Variants in SNX14 observed in about 807,000 individuals in gnomAD.
The protein encoded by SNX14 is sorting nexin-14.
A neutral mutation model predicts 133.8 loss-of-function variants in SNX14; 93 were observed. The observed-to-expected ratio is 0.70, with a 90% CI of 0.59 to 0.83. The LOEUF is 0.83. Among genes scored for constraint, SNX14 ranks in the 40% least tolerant of loss-of-function variants. The probability of loss-of-function intolerance (pLI) is 0.00; values close to 1 mark genes in which losing one functional copy is unlikely to be tolerated. For synonymous variants in SNX14, 368 were observed against 365.6 expected (o/e 1.01, Z -0.07); for missense variants, 945 against 1,094.9 (o/e 0.86, Z 1.93).
intron 1 of SNX14, 139 bp downstream of exon 1, chr6:85,593,440 C>CCGCTCCTCTGCGGAGCT: frequency 1.5e-6 from 2 of 1,323,386 alleles, no homozygotes; most frequent in Non-Finnish European, 2.0e-6. Context: ...CTCCCCGAGG[C>CCGCTCCTCTGCGGAGCT]CGCTCCTCTG....
chr6:85,585,319 G>A (rs1009709394), intron 1 of SNX14, among the ~76,000 whole-genome samples: 3 of 151,866 alleles, frequency 2.0e-5, no homozygotes, highest in Non-Finnish European at 4.4e-5. Flanking sequence ...AACCACCATG[G>A]CACATGTATA....
chr6:85,576,971 A>AAC (rs1368964142), intron 1 of SNX14, among the ~76,000 whole-genome samples: 1 of 152,236 alleles, frequency 6.6e-6, no homozygotes, highest in Non-Finnish European at 1.5e-5. Flanking sequence ...CTAGACTGGA[A>AAC]ACACACAGCC....
chr6:85,508,236 A>G, intron 26 of SNX14, 177 bp from the exon 27 acceptor site: 1 of 1,286,088 alleles, frequency 7.8e-7, no homozygotes, highest in East Asian at 3.0e-5. Context: ...TCTATGGTCA[A>G]GTTGACAAAT....
At chr6:85,568,927 G>A (rs1794741631) in intron 4 of SNX14, among the ~76,000 whole-genome samples, 1 of 151,672 alleles carries the variant, frequency 6.6e-6, no homozygotes, top group African/African-American at 2.4e-5. Flanking sequence ...CAATCACCAA[G>A]TCCTACTGAT....
intron 26 of SNX14, among the ~76,000 whole-genome samples, chr6:85,511,856 T>A (rs1175538507): frequency 6.6e-6 from 1 of 152,214 alleles, no homozygotes; most frequent in East Asian, 1.9e-4. Flanking sequence ...GTCTTGTAAT[T>A]TTTTTCTTGA....
At chr6:85,590,192 G>A (rs956770314) in intron 1 of SNX14, among the ~76,000 whole-genome samples, 2 of 152,158 alleles carry the variant, frequency 1.3e-5, no homozygotes, top group African/African-American at 4.8e-5. Context: ...ACTAGCAGCT[G>A]GTACTTATCT....
intron 23 of SNX14, among the ~76,000 whole-genome samples, chr6:85,516,441 T>TA (rs953719289): frequency 4.6e-5 from 7 of 152,034 alleles, no homozygotes; most frequent in East Asian, 3.8e-4. Flanking sequence ...AAATTGGTTA[T>TA]AAAAAATCTT....
intron 20 of SNX14, among the ~76,000 whole-genome samples, chr6:85,527,370 T>G (rs186085348): frequency 2.6e-4 from 38 of 148,076 alleles, no homozygotes; most frequent in Non-Finnish European, 5.3e-4. Flanking sequence ...CACCAAAAAT[T>G]TATACAGAAG....
chr6:85,530,474 G>C (rs1031681720), intron 18 of SNX14, among the ~76,000 whole-genome samples, 199 bp from the exon 19 acceptor site: 1 of 151,830 alleles, frequency 6.6e-6, no homozygotes, highest in Non-Finnish European at 1.5e-5. Flanking sequence ...GTGAAATCCC[G>C]CTTCTACTAA....
chr6:85,582,270 T>C (rs1215871022), intron 1 of SNX14, among the ~76,000 whole-genome samples: 1 of 152,034 alleles, frequency 6.6e-6, no homozygotes, highest in Non-Finnish European at 1.5e-5. Context: ...AAAATACCCT[T>C]CAAACATGAA....
rs1451005775 is a variant in SNX14 at position 85,574,342 on chromosome 6, A to C, written c.177T>G (p.Val59=). The change falls in exon 2 of 29, where the codon GTT becomes GTG. Residue 59 remains valine (V), a synonymous_variant. Coordinates refer to ENST00000314673, the MANE Select transcript of SNX14 (RefSeq NM_153816.6). ...AGCAGTAGAATGTGACAACTCCAGC[A>C]ACAAATGACCAGAAGATCATTAAAA... ...IHILMIFWSF[V]AGVVTFYCSL... is the part of the protein sequence containing the mutation. 1.1e-5 allele frequency: 18 copies of C among 1,574,648 alleles called. No homozygotes were observed. Among genetic ancestry groups the C allele is most frequent in the Non-Finnish European group, 1.3e-5 (15 of 1,146,444 alleles).
Position 85,572,278 on chromosome 6 carries a change from T to TA in SNX14, c.338+19dup, listed in dbSNP as rs1257138491. 1 of 1,611,322 alleles carries TA rather than the reference T, an allele frequency of 6.2e-7. No homozygotes were observed. Among genetic ancestry groups the TA allele is most frequent in the East Asian group, 2.2e-5 (1 of 44,800 alleles). On this transcript the variant is annotated intron_variant, in intron 3 of 28. Transcript: ENST00000314673. Reference sequence around the variant, plus strand: ...AAATGTAATTAGAAGGATCAACAAATAAAAAAATATTTAACTTACCTATGT... The same window carrying TA: ...AAATGTAATTAGAAGGATCAACAAATAAAAAAAATATTTAACTTACCTATGT...
chr6:85,583,866 T>G (rs1217168125), intron 1 of SNX14, among the ~76,000 whole-genome samples: 1 of 152,084 alleles, frequency 6.6e-6, no homozygotes, highest in African/African-American at 2.4e-5. Context: ...CAAGCTACCA[T>G]TGACTTTCTT....
At chr6:85,543,069 T>A in intron 14 of SNX14, 113 bp downstream of exon 14, 2 of 1,090,282 alleles carry the variant, frequency 1.8e-6, no homozygotes, top group Non-Finnish European at 2.5e-6. Flanking sequence ...TGCCCAGTAA[T>A]CTTGTCTTAT....
chr6:85,525,158 T>C (rs1038232412), intron 21 of SNX14, among the ~76,000 whole-genome samples: 4 of 152,154 alleles, frequency 2.6e-5, no homozygotes, highest in African/African-American at 7.2e-5. Context: ...CAATCTCTAA[T>C]AGTAAAAATA....
At chr6:85,573,265 AG>A (rs1796261110) in intron 2 of SNX14, among the ~76,000 whole-genome samples, 1 of 152,214 alleles carries the variant, frequency 6.6e-6, no homozygotes, top group African/African-American at 2.4e-5. Context: ...GGATCACCTG[AG>A]GTCAGGAGTT....
intron 13 of SNX14, 144 bp downstream of exon 13, chr6:85,543,461 T>G (rs916240440): frequency 5.6e-6 from 6 of 1,072,892 alleles, no homozygotes; most frequent in Non-Finnish European, 7.8e-6. Context: ...ATAAATAAGT[T>G]TTTTCTTTAA....
intron 26 of SNX14, among the ~76,000 whole-genome samples, chr6:85,512,804 T>C (rs1773417415): frequency 6.6e-6 from 1 of 152,296 alleles, no homozygotes; most frequent in Non-Finnish European, 1.5e-5. Context: ...CAGCTAGCTA[T>C]GATTCTCTCC....
rs1449651209 is a variant in SNX14, at chr6:85,557,994, C to A, written c.616G>T (p.Val206Phe). 1.9e-6 allele frequency: 3 copies of A among 1,591,390 alleles called. No homozygotes were observed. The highest frequency in any genetic ancestry group is 1.7e-6 in the Non-Finnish European group (2 of 1,163,428). ...KAAMKHIEVI[V>F]KARQKVKNTE... ...GTATTACCTTTCTGTCTGGCTTTAA[C>A]TATCACTTCTATATGCTTCATTGCT... is the stretch of plus-strand genomic sequence containing the variant. Residue 206 changes from valine to phenylalanine, a missense_variant, in exon 7 of 29, where the codon GTT becomes TTT. Coordinates refer to ENST00000314673, the MANE Select transcript of SNX14 (RefSeq NM_153816.6).
Sources: allele counts gnomAD v4.1 joint callset (sites outside exome capture counted in the v4.1 genomes callset), GRCh38; gene constraint gnomAD v4.1.1; transcripts MANE v1.5; gene names NCBI Gene and HGNC (gene_info 2026-07-23, HGNC 2026-07-21).